Variants in DISC1 observed in about 807,000 individuals in gnomAD.
DISC1 encodes disrupted in schizophrenia 1 protein.
Under a neutral mutation model 84.5 loss-of-function variants are expected in DISC1, and 57 were observed. The observed-to-expected ratio is 0.67, with a 90% confidence interval of 0.55 to 0.84. The LOEUF is 0.84. Ranked by LOEUF, DISC1 falls within the 40% of genes least tolerant of loss-of-function variation. The probability of loss-of-function intolerance (pLI) is 0.00; values close to 1 mark genes in which losing one functional copy is unlikely to be tolerated. For synonymous variants in DISC1, 411 were observed against 415.2 expected (o/e 0.99, Z 0.12); for missense variants, 1,000 against 1,057.8 (o/e 0.95, Z 0.76).
chr1:231,896,747 A>G (rs754291645), intron 9 of DISC1, among the ~76,000 whole-genome samples: 9 of 152,210 alleles, frequency 5.9e-5, no homozygotes, highest in Non-Finnish European at 1.2e-4. Flanking sequence ...TGGCAGATTG[A>G]GGAAGATTGT....
At chr1:231,661,107 G>A (rs745668395) in intron 1 of DISC1, among the ~76,000 whole-genome samples, 11 of 152,028 alleles carry the variant, frequency 7.2e-5, no homozygotes, top group Non-Finnish European at 1.3e-4. Flanking sequence ...TCCATTGAGA[G>A]GTCCTCAGTT....
chr1:231,909,097 A>G (rs2088958311), intron 9 of DISC1, among the ~76,000 whole-genome samples: 1 of 152,176 alleles, frequency 6.6e-6, no homozygotes, highest in South Asian at 2.1e-4. Context: ...TTCTAAATAT[A>G]AAATCATGTG....
At chr1:231,643,544 T>A (rs185938391) in intron 1 of DISC1, among the ~76,000 whole-genome samples, 11 of 152,116 alleles carry the variant, frequency 7.2e-5, no homozygotes, top group African/African-American at 2.7e-4. Context: ...TTGACTGCGG[T>A]CAGATGTGTA....
intron 9 of DISC1, among the ~76,000 whole-genome samples, chr1:231,834,059 A>G (rs970780942): frequency 6.6e-6 from 1 of 152,200 alleles, no homozygotes; most frequent in African/African-American, 2.4e-5. Context: ...GCTGAAAAAG[A>G]GCCTAAACAC....
chr1:232,026,408 G>C, intron 11 of DISC1, 27 bp from the exon 12 acceptor site: 1 of 1,503,064 alleles, frequency 6.7e-7, no homozygotes, highest in Non-Finnish European at 9.1e-7. Context: ...GCACTAACAA[G>C]TGATCTTGTT....
At chr1:231,772,652 T>C (rs2076642696) in intron 6 of DISC1, among the ~76,000 whole-genome samples, 1 of 152,246 alleles carries the variant, frequency 6.6e-6, no homozygotes, top group Admixed American at 6.5e-5. Context: ...CTAAGCACTT[T>C]ATTGTGCTTC....
intron 9 of DISC1, among the ~76,000 whole-genome samples, chr1:231,845,497 G>T (rs184082964): frequency 8.4e-4 from 128 of 152,278 alleles, no homozygotes; most frequent in Middle Eastern, 3.4e-3. Context: ...GGTGGATTTG[G>T]TGCCCATTTG....
At chr1:231,766,163 G>A (rs1308754229) in intron 4 of DISC1, among the ~76,000 whole-genome samples, 2 of 151,820 alleles carry the variant, frequency 1.3e-5, no homozygotes, top group African/African-American at 2.4e-5. Context: ...GGTGGCACAC[G>A]CCTGTAGTCC....
chr1:231,698,840 C>T lies in DISC1; in HGVS notation c.1048-3115C>T, dbSNP rs2066036284. Among the ~76,000 whole-genome samples the T allele has an allele frequency of 6.6e-6, 1 of 152,152 alleles. No homozygotes were observed. The highest frequency in any genetic ancestry group is 1.9e-4 in the East Asian group (1 of 5,198). On this transcript the variant is annotated intron_variant, in intron 2 of 12. Transcript: ENST00000439617. This position sits in a 1 kb window ranked among gnomAD's most constrained non-coding sequence, Gnocchi z 4.9. ...TATATAGGACTAAGTTACTGGTAAACTTTGCAGTTGTAATATAGAACAATT... is the reference window on the plus strand; with the variant it reads ...TATATAGGACTAAGTTACTGGTAAATTTTGCAGTTGTAATATAGAACAATT...
At chr1:231,966,056 A>G (rs1468514924) in intron 10 of DISC1, among the ~76,000 whole-genome samples, 1 of 152,224 alleles carries the variant, frequency 6.6e-6, no homozygotes, top group Non-Finnish European at 1.5e-5. Context: ...CATGTAGTCA[A>G]CAGACAAATT....
intron 4 of DISC1, among the ~76,000 whole-genome samples, chr1:231,752,240 G>T (rs1429323778): frequency 6.6e-6 from 1 of 152,334 alleles, no homozygotes; most frequent in African/African-American, 2.4e-5. Flanking sequence ...ATAAATGAAA[G>T]AAGTTAATTG....
intron 3 of DISC1, among the ~76,000 whole-genome samples, chr1:231,709,785 C>T (rs537370423): frequency 6.6e-6 from 1 of 152,268 alleles, no homozygotes; most frequent in South Asian, 2.1e-4. Context: ...CAACAGTGGA[C>T]ACATCTTATT....
At chr1:231,918,145 A>G (rs145609958) in intron 9 of DISC1, among the ~76,000 whole-genome samples, 76 of 152,312 alleles carry the variant, frequency 5.0e-4, no homozygotes, top group Admixed American at 7.8e-4. Context: ...GTGGTGTTTT[A>G]GGTTGTGCCG....
chr1:231,697,233 G>A (rs199541407), intron 2 of DISC1, among the ~76,000 whole-genome samples: 2 of 152,074 alleles, frequency 1.3e-5, no homozygotes, highest in African/African-American at 2.4e-5. Flanking sequence ...GTGTTTGGGG[G>A]CCTTATTGAT....
At chr1:231,969,030 G>T (rs969487840) in intron 10 of DISC1, among the ~76,000 whole-genome samples, 9 of 152,036 alleles carry the variant, frequency 5.9e-5, no homozygotes, top group African/African-American at 2.2e-4. Flanking sequence ...ATGAAACCAA[G>T]AAACTCTACA....
At chr1:231,710,355 A>T (rs1477810811) in intron 3 of DISC1, among the ~76,000 whole-genome samples, 1 of 151,764 alleles carries the variant, frequency 6.6e-6, no homozygotes, top group African/African-American at 2.4e-5. Flanking sequence ...CAAAAACAAA[A>T]ACAAACAAAC....
chr1:231,741,275 G>A (rs931696141), intron 3 of DISC1, among the ~76,000 whole-genome samples: 18 of 152,230 alleles, frequency 1.2e-4, no homozygotes, highest in African/African-American at 4.1e-4. Context: ...GCCTGGATGG[G>A]ATAGTGCCCT....
At chr1:232,024,331 C>T (rs550896028) in intron 11 of DISC1, among the ~76,000 whole-genome samples, 2 of 152,196 alleles carry the variant, frequency 1.3e-5, no homozygotes, top group East Asian at 3.9e-4. Context: ...TTGCAGTTCC[C>T]ATTAGCACTA....
intron 10 of DISC1, among the ~76,000 whole-genome samples, chr1:231,990,459 G>A (rs905101938): frequency 5.9e-5 from 9 of 152,070 alleles, no homozygotes; most frequent in African/African-American, 1.9e-4. Context: ...GTAGGAGATC[G>A]GGGGTGATAG....
Sources: allele counts gnomAD v4.1 joint callset (sites outside exome capture counted in the v4.1 genomes callset), GRCh38; gene constraint gnomAD v4.1.1; non-coding constraint Gnocchi (gnomAD v3.1); transcripts MANE v1.5; gene names NCBI Gene and HGNC (gene_info 2026-07-23, HGNC 2026-07-21).